MBD5: variants seen among roughly 807,000 people sequenced by gnomAD.
MBD5 encodes the protein methyl-CpG binding domain protein 5.
MBD5 carries 13 observed loss-of-function variants against 117.3 expected under a neutral mutation model. The ratio of observed to expected loss-of-function variants is 0.11; its 90% CI spans 0.07 to 0.18. MBD5 has a LOEUF of 0.18. Ranked by LOEUF, MBD5 falls within the 10% of genes least tolerant of loss-of-function variation. The pLI is 1.00. For missense variants in MBD5, 1,879 were observed against 2,093.8 expected, an observed-to-expected ratio of 0.90 and a Z score of 2.00; for synonymous variants, 727 against 766.4, an observed-to-expected ratio of 0.95 and a Z score of 0.85.
chr2:148,115,676 T>C (rs1302611512), intron 1 of MBD5, among the ~76,000 whole-genome samples: 1 of 152,182 alleles, frequency 6.6e-6, no homozygotes, highest in African/African-American at 2.4e-5. Context: ...TTTTTCCTAA[T>C]TTATCATATC....
chr2:148,173,837 C>A (rs1409687026), intron 1 of MBD5, among the ~76,000 whole-genome samples: 1 of 152,214 alleles, frequency 6.6e-6, no homozygotes, highest in Non-Finnish European at 1.5e-5. Context: ...ATTGAAGAAA[C>A]TAATATTCTT....
intron 3 of MBD5, among the ~76,000 whole-genome samples, chr2:148,316,136 G>A (rs1702151653): frequency 6.6e-6 from 1 of 151,958 alleles, no homozygotes; most frequent in African/African-American, 2.4e-5. Flanking sequence ...GAACAGCCAG[G>A]GGAAAATCTA....
At chr2:148,156,840 CTTG>C in intron 1 of MBD5, among the ~76,000 whole-genome samples, 1 of 152,202 alleles carries the variant, frequency 6.6e-6, no homozygotes, top group East Asian at 1.9e-4. Flanking sequence ...GCTCAGCACA[CTTG>C]TTATTTATTG....
intron 1 of MBD5, among the ~76,000 whole-genome samples, chr2:148,154,665 G>A (rs561055814): frequency 2.5e-4 from 38 of 152,296 alleles, no homozygotes; most frequent in African/African-American, 5.8e-4. Flanking sequence ...TCGGAAAAGC[G>A]CAGTAATCGG....
chr2:148,418,819 A>G (rs1006634397), intron 4 of MBD5, among the ~76,000 whole-genome samples: 1 of 152,154 alleles, frequency 6.6e-6, no homozygotes, highest in African/African-American at 2.4e-5. Context: ...TACAGATTCA[A>G]TGCAACTCTT....
At chr2:148,145,892 T>C (rs943727428) in intron 1 of MBD5, among the ~76,000 whole-genome samples, 1 of 152,176 alleles carries the variant, frequency 6.6e-6, no homozygotes, top group Non-Finnish European at 1.5e-5. Context: ...TCATCAGGGA[T>C]ATTGGTCTAA....
chr2:148,315,222 T>C (rs1055310360), intron 3 of MBD5, among the ~76,000 whole-genome samples: 1 of 152,206 alleles, frequency 6.6e-6, no homozygotes, highest in Non-Finnish European at 1.5e-5. Context: ...ATCATCATTT[T>C]AATCCTGTTA....
At chr2:148,472,953 A>C (rs946900181) in intron 8 of MBD5, among the ~76,000 whole-genome samples, 1 of 152,170 alleles carries the variant, frequency 6.6e-6, no homozygotes, top group African/African-American at 2.4e-5. Flanking sequence ...CGTATCATAC[A>C]TAACTGAATC....
intron 1 of MBD5, among the ~76,000 whole-genome samples, chr2:148,108,599 GA>G (rs957602893): frequency 6.6e-6 from 1 of 151,818 alleles, no homozygotes; most frequent in African/African-American, 2.4e-5. Flanking sequence ...TTCTCAAGGT[GA>G]AAAACGATTT....
intron 1 of MBD5, among the ~76,000 whole-genome samples, chr2:148,117,135 A>G (rs1696657977): frequency 6.6e-6 from 1 of 152,200 alleles, no homozygotes; most frequent in South Asian, 2.1e-4. Flanking sequence ...ATAATTTTCC[A>G]TAATACCATT....
At chr2:148,121,635 A>G (rs1160097540) in intron 1 of MBD5, among the ~76,000 whole-genome samples, 2 of 152,128 alleles carry the variant, frequency 1.3e-5, no homozygotes, top group Admixed American at 1.3e-4. Flanking sequence ...TTAAAAAGCC[A>G]TGCAACATGT....
intron 1 of MBD5, among the ~76,000 whole-genome samples, chr2:148,040,450 C>T (rs1694323251): frequency 6.6e-6 from 1 of 152,032 alleles, no homozygotes; most frequent in African/African-American, 2.4e-5. Flanking sequence ...AATAGATTAT[C>T]CAGCCTTTTG....
At chr2:148,493,470 A>T (rs962012495) in intron 11 of MBD5, among the ~76,000 whole-genome samples, 2 of 152,256 alleles carry the variant, frequency 1.3e-5, no homozygotes, top group Non-Finnish European at 2.9e-5. Context: ...CAGGCAAAAT[A>T]GAAAATAAAG....
chr2:148,085,002 G>A (rs575109177), intron 1 of MBD5, among the ~76,000 whole-genome samples: 1 of 152,272 alleles, frequency 6.6e-6, no homozygotes, highest in South Asian at 2.1e-4. Context: ...TCACCAAAGG[G>A]GTTAGTAGGA....
At chr2:148,103,011 T>A (rs1469696839) in intron 1 of MBD5, among the ~76,000 whole-genome samples, 2 of 152,156 alleles carry the variant, frequency 1.3e-5, no homozygotes, top group East Asian at 3.9e-4. Context: ...CAAGAAAAGA[T>A]AGATGAAAAA....
chr2:148,389,266 A>G (rs1223425804), intron 4 of MBD5, among the ~76,000 whole-genome samples: 2 of 56,562 alleles, frequency 3.5e-5, no homozygotes, highest in Non-Finnish European at 6.5e-5. Flanking sequence ...ATATATATAT[A>G]TATATATATA....
At chr2:148,261,467 C>G (rs1036445079) in intron 3 of MBD5, among the ~76,000 whole-genome samples, 3 of 152,154 alleles carry the variant, frequency 2.0e-5, no homozygotes, top group African/African-American at 7.2e-5. Flanking sequence ...CATGAACCAC[C>G]TTGCGTTACT....
chr2:148,159,478 G>A (rs1697954694), intron 1 of MBD5, among the ~76,000 whole-genome samples: 1 of 151,896 alleles, frequency 6.6e-6, no homozygotes, highest in Non-Finnish European at 1.5e-5. Context: ...TAGAGATAGG[G>A]TTTCACCATG....
In MBD5 at chr2:148,469,401, T is replaced by C. The variant is rs144232195; in HGVS notation, c.1458T>C (p.Ile486=). 5.9e-5 allele frequency: 95 copies of C among 1,613,656 alleles called. 1 individual carries two copies. The highest frequency in any genetic ancestry group is 8.0e-5 in the African/African-American group (6 of 74,890). Residue 486 remains isoleucine (I), a synonymous_variant, in exon 8 of 14, where the codon ATT becomes ATC. Coordinates refer to ENST00000642680, the MANE Select transcript of MBD5 (RefSeq NM_001378120.1). ...PVGPQATSSG[I]KVPPRSPRST... ...GACCCCAGGCCACTTCTAGTGGTAT[T>C]AAGGTTCCACCCAGGTCACCAAGGT...
Sources: gnomAD v4.1 joint callset for allele counts (sites outside exome capture counted in the v4.1 genomes callset) on GRCh38, gnomAD v4.1.1 for gene constraint, MANE v1.5 for transcripts, NCBI Gene and HGNC (gene_info 2026-07-23, HGNC 2026-07-21) for gene names.